Variants in USP48 observed in about 807,000 individuals in gnomAD.
USP48 encodes the protein ubiquitin carboxyl-terminal hydrolase 48.
USP48 carries 43 observed loss-of-function variants against 150.7 expected under a neutral mutation model. The observed-to-expected ratio is 0.29, with a 90% CI of 0.22 to 0.37. The LOEUF (loss-of-function observed/expected upper bound fraction) is 0.37. Ranked by LOEUF, USP48 falls within the 10% of genes least tolerant of loss-of-function variation. USP48 has a pLI of 1.00. For missense variants in USP48, 813 were observed against 1,249.6 expected (o/e 0.65, Z 5.27); for synonymous variants, 396 against 425.9 (o/e 0.93, Z 0.86).
chr1:21,706,775 G>A lies in USP48; in HGVS notation c.2057C>T (p.Pro686Leu). The part of the protein sequence containing the change: ...QQYFPKAPEF[P>L]SYKECCSQCK... ...CTGTGAACAGCACTCTTTGTAACTT[G>A]GAAACTCAGGAGCCTTTGGAAAGTA... Residue 686 changes from proline (P) to leucine (L), a missense_variant, in exon 16 of 27, where the codon CCA (proline) becomes CTA (leucine). Physicochemically the swap from Pro to Leu is moderately conservative, Grantham distance 98 (BLOSUM62 -3). Transcript: ENST00000308271. The A allele has an allele frequency of 1.2e-6, 2 of 1,612,670 alleles. No individual in the cohort carries two copies. The highest frequency in any genetic ancestry group is 1.7e-6 in the Non-Finnish European group (2 of 1,179,712).
intron 1 of USP48, among the ~76,000 whole-genome samples, chr1:21,775,119 G>A (rs2152650635): frequency 6.6e-6 from 1 of 152,204 alleles, no homozygotes; most frequent in South Asian, 2.1e-4. Context: ...CTTTGAGACA[G>A]GGTCTTGCTC....
At chr1:21,730,048 G>C (rs2097752699) in intron 9 of USP48, among the ~76,000 whole-genome samples, 1 of 152,012 alleles carries the variant, frequency 6.6e-6, no homozygotes, top group Admixed American at 6.6e-5. Context: ...ATTTTTTAAA[G>C]GTAAAAAGAA....
At chr1:21,781,594 C>G (rs561260186) in intron 1 of USP48, among the ~76,000 whole-genome samples, 5 of 152,102 alleles carry the variant, frequency 3.3e-5, no homozygotes, top group Admixed American at 6.6e-5. Context: ...CTGAGTCGGG[C>G]GTGGTGGCCC....
intron 21 of USP48, among the ~76,000 whole-genome samples, chr1:21,702,349 AATAAG>A (rs2097659554): frequency 6.6e-6 from 1 of 152,084 alleles, no homozygotes; most frequent in Non-Finnish European, 1.5e-5. Flanking sequence ...TAAATAAATT[AATAAG>A]ATATCTAGAG....
intron 14 of USP48, among the ~76,000 whole-genome samples, chr1:21,717,154 G>C (rs1182714654): frequency 1.3e-5 from 2 of 152,160 alleles, no homozygotes; most frequent in African/African-American, 4.8e-5. Flanking sequence ...TGTAATCCCA[G>C]CACTTTGAGA....
intron 1 of USP48, among the ~76,000 whole-genome samples, chr1:21,759,674 T>C (rs7521867): frequency 0.73 from 110,755 of 152,046 alleles, 40,998 homozygotes; most frequent in Admixed American, 0.81. Context: ...CAACAAAATT[T>C]AGCAACAAAA....
intron 14 of USP48, among the ~76,000 whole-genome samples, chr1:21,717,458 C>CCAAA (rs111753763): frequency 0.81 from 122,206 of 151,234 alleles, 50,126 homozygotes; most frequent in Admixed American, 0.88. Flanking sequence ...ACCCAACCAA[C>CCAAA]CAAACAAACA....
chr1:21,717,627 C>A (rs955614424), intron 14 of USP48, among the ~76,000 whole-genome samples: 1 of 152,116 alleles, frequency 6.6e-6, no homozygotes, highest in Non-Finnish European at 1.5e-5. Flanking sequence ...TAAGCCTCAA[C>A]ACTGCTAAGT....
chr1:21,714,492 G>C (rs1019684112), intron 15 of USP48, among the ~76,000 whole-genome samples: 3 of 151,984 alleles, frequency 2.0e-5, no homozygotes, highest in Non-Finnish European at 4.4e-5. Context: ...CAAAATCATG[G>C]GCTCAAGCGA....
chr1:21,758,123 C>T (rs2097841405), intron 1 of USP48, among the ~76,000 whole-genome samples: 1 of 151,642 alleles, frequency 6.6e-6, no homozygotes, highest in African/African-American at 2.4e-5. Flanking sequence ...TTGGAAGCCA[C>T]CCAAATGCCC....
chr1:21,770,036 A>G (rs1251895933), intron 1 of USP48, among the ~76,000 whole-genome samples: 2 of 152,116 alleles, frequency 1.3e-5, no homozygotes, highest in Non-Finnish European at 2.9e-5. Context: ...AATAATGTAC[A>G]GCACTGTTGG....
At chr1:21,730,525 T>A (rs556519018) in intron 9 of USP48, among the ~76,000 whole-genome samples, 4 of 151,974 alleles carry the variant, frequency 2.6e-5, no homozygotes, top group African/African-American at 4.8e-5. Flanking sequence ...TGAAAACCCA[T>A]CTGTCTAAAA....
At chr1:21,694,916 C>T in intron 23 of USP48, 150 bp downstream of exon 23, 1 of 897,958 alleles carries the variant, frequency 1.1e-6, no homozygotes, top group Non-Finnish European at 1.6e-6. Flanking sequence ...TCACTTTCAT[C>T]TTCACAAAAA....
chr1:21,701,376 AAAAAAG>A, intron 22 of USP48, 116 bp downstream of exon 22: 2 of 720,874 alleles, frequency 2.8e-6, no homozygotes. Flanking sequence ...AAAAAAAAAA[AAAAAAG>A]AAAAAAAAAG....
intron 7 of USP48, 90 bp downstream of exon 7, chr1:21,748,048 A>G: frequency 7.6e-7 from 1 of 1,310,168 alleles, no homozygotes; most frequent in East Asian, 2.7e-5. Context: ...AGAGTTTCAA[A>G]TTACAACCAT....
intron 15 of USP48, among the ~76,000 whole-genome samples, chr1:21,707,664 C>T (rs1279378407): frequency 2.0e-5 from 3 of 152,182 alleles, no homozygotes; most frequent in Non-Finnish European, 2.9e-5. Context: ...CTACCCATAT[C>T]GGTCATTACC....
intron 1 of USP48, among the ~76,000 whole-genome samples, chr1:21,781,376 T>C (rs971636374): frequency 6.6e-6 from 1 of 151,838 alleles, no homozygotes; most frequent in Non-Finnish European, 1.5e-5. Flanking sequence ...GAGGCAGAGG[T>C]TGCAGTGAGC....
At chr1:21,769,344 T>TA (rs1316095403) in intron 1 of USP48, among the ~76,000 whole-genome samples, 1 of 151,606 alleles carries the variant, frequency 6.6e-6, no homozygotes, top group Non-Finnish European at 1.5e-5. Flanking sequence ...AAAGAGAACT[T>TA]ACGAACACAA....
intron 1 of USP48, among the ~76,000 whole-genome samples, chr1:21,778,453 G>C (rs2097905734): frequency 6.6e-6 from 1 of 151,924 alleles, no homozygotes; most frequent in Admixed American, 6.6e-5. Context: ...AGCCACTCTG[G>C]AAAGTAACCT....
Sources: allele counts gnomAD v4.1 joint callset (sites outside exome capture counted in the v4.1 genomes callset), GRCh38; gene constraint gnomAD v4.1.1; transcripts MANE v1.5; gene names NCBI Gene and HGNC (gene_info 2026-07-23, HGNC 2026-07-21).